The following NAV2 variants were observed in gnomAD, a reference collection of about 807,000 sequenced individuals.
NAV2 encodes the protein helicase, APC down-regulated 1.
Under a neutral mutation model 223.2 loss-of-function variants are expected in NAV2, and 54 were observed. The ratio of observed to expected loss-of-function variants is 0.24; its 90% CI spans 0.19 to 0.30. The LOEUF is 0.30. Among genes scored for constraint, NAV2 ranks in the 10% least tolerant of loss-of-function variants. NAV2 has a pLI of 1.00. For synonymous variants in NAV2, 1,279 were observed against 1,239.3 expected (o/e 1.03, Z -0.67); for missense variants, 2,806 against 3,147.5 (o/e 0.89, Z 2.60).
chr11:19,703,763 C>A (rs977192078), intron 1 of NAV2, among the ~76,000 whole-genome samples: 2 of 152,200 alleles, frequency 1.3e-5, no homozygotes, highest in Non-Finnish European at 2.9e-5. Context: ...GCCTTTGCAG[C>A]GCTTCATAAA....
chr11:19,742,965 A>T (rs2152465516), intron 1 of NAV2, among the ~76,000 whole-genome samples: 1 of 152,318 alleles, frequency 6.6e-6, no homozygotes, highest in East Asian at 1.9e-4. Context: ...AGTTTGTAGC[A>T]TCCTGGGAAT....
intron 1 of NAV2, among the ~76,000 whole-genome samples, chr11:19,397,393 G>A (rs1849493601): frequency 7.3e-6 from 1 of 137,520 alleles, no homozygotes; most frequent in Non-Finnish European, 1.6e-5. Flanking sequence ...GGATTCTCTG[G>A]GGAGTGTGTG....
At chr11:20,032,019 CA>C (rs1293165882) in intron 11 of NAV2, among the ~76,000 whole-genome samples, 2 of 152,202 alleles carry the variant, frequency 1.3e-5, no homozygotes, top group Admixed American at 1.3e-4. Flanking sequence ...GGCTCCTGAT[CA>C]TTTGTACCCT....
chr11:19,527,040 AC>A lies in NAV2; in HGVS notation c.75+176018del, dbSNP rs2043862812. Among the ~76,000 whole-genome samples, 8 of 150,654 alleles carry A rather than the reference AC, an allele frequency of 5.3e-5. No homozygotes were observed. The South Asian group carries it at 1.3e-3, about 24-fold the overall frequency. ...TATGGCATCTTTCTCCAACCCTCCCACCCCCACCATCTCTATTGTTTATCTC... is the reference window on the plus strand; with the variant it reads ...TATGGCATCTTTCTCCAACCCTCCCACCCCACCATCTCTATTGTTTATCTC... On this transcript the variant is annotated intron_variant, in intron 1 of 37. Transcript: ENST00000360655.
intron 1 of NAV2, among the ~76,000 whole-genome samples, chr11:19,422,107 C>T (rs1364390423): frequency 6.6e-6 from 1 of 152,198 alleles, no homozygotes; most frequent in Non-Finnish European, 1.5e-5. Context: ...CATAAGGTCA[C>T]ACACAGAGGC....
At chr11:19,435,611 T>G (rs1457837858) in intron 1 of NAV2, among the ~76,000 whole-genome samples, 2 of 152,146 alleles carry the variant, frequency 1.3e-5, no homozygotes, top group Non-Finnish European at 2.9e-5. Context: ...TGCTGGGTCA[T>G]GTGGTAATTC....
intron 1 of NAV2, among the ~76,000 whole-genome samples, chr11:19,590,629 G>A (rs1590625811): frequency 6.6e-6 from 1 of 152,258 alleles, no homozygotes; most frequent in East Asian, 1.9e-4. Flanking sequence ...AGCATCAACT[G>A]AGCCAGGCCC....
rs893017961 is a variant in NAV2, at chr11:19,541,115, A to G, written c.75+190088A>G. 3.3e-5 allele frequency among the ~76,000 whole-genome samples: 5 copies of G among 152,312 alleles called. No homozygotes were observed. In the East Asian group the frequency reaches 7.7e-4, roughly 24 times the overall value. On this transcript the variant is annotated intron_variant, in intron 1 of 37. Transcript: ENST00000360655. ...TTGTTAAATGCTAAACTATATTATT[A>G]TGAGGAGGAGAGATGCTACCTAGAG...
chr11:19,836,587 G>A lies in NAV2; in HGVS notation c.385+3986G>A, dbSNP rs549769070. On this transcript the variant is annotated intron_variant, in intron 2 of 37. Transcript: ENST00000349880. ...TCAAAAAAAAAAAAAAAAAAGCTCC[G>A]ATCTGATGAATGAATTGCTTCTATA... is the stretch of plus-strand genomic sequence containing the variant. Among the ~76,000 whole-genome samples, 17 of 148,222 alleles carry A rather than the reference G, an allele frequency of 1.1e-4. No individual in the cohort carries two copies. The East Asian group carries it at 2.0e-3, about 17-fold the overall frequency.
chr11:19,466,987 A>G (rs56106180), intron 1 of NAV2, among the ~76,000 whole-genome samples: 1 of 97,514 alleles, frequency 1.0e-5, no homozygotes, highest in Non-Finnish European at 2.4e-5. Flanking sequence ...CTCTCTCTAC[A>G]CACACACACA....
intron 1 of NAV2, among the ~76,000 whole-genome samples, chr11:19,750,194 T>A (rs1468561825): frequency 6.6e-6 from 1 of 152,260 alleles, no homozygotes; most frequent in Non-Finnish European, 1.5e-5. Flanking sequence ...TTGCTTCTGG[T>A]ATGCTCATCT....
intron 34 of NAV2, chr11:20,104,373 T>TA (rs2153704430): frequency 6.5e-6 from 1 of 152,800 alleles, no homozygotes; most frequent in East Asian, 1.9e-4. Context: ...CCTGGGCCCT[T>TA]AGAGGTGGAT....
chr11:20,105,688 C>T lies in NAV2; in HGVS notation c.6802C>T (p.Arg2268Cys), dbSNP rs748414339. The T allele has an allele frequency of 3.7e-5, 60 of 1,613,432 alleles. No individual in the cohort carries two copies. The highest frequency in any genetic ancestry group is 5.3e-5 in the African/African-American group (4 of 74,998). Residue 2268 changes from arginine (R) to cysteine (C), a missense_variant, in exon 35 of 38, where the codon CGC becomes TGC. Arg to Cys is a radical substitution (Grantham distance 180, BLOSUM62 -3). Around this residue, in one of 4 missense-constraint regions of NAV2, gnomAD observed 824 missense variants for 1,069.4 expected, o/e 0.77. Transcript: ENST00000349880. ...TCCCAAGGTCTGGCATCACCTCAAC[C>T]GCTTCCTGGAGGCTCACAGTTCCTC... is the stretch of plus-strand genomic sequence containing the variant. ...WIPKVWHHLN[R>C]FLEAHSSSDV...
intron 1 of NAV2, among the ~76,000 whole-genome samples, chr11:19,657,395 G>T (rs1305603138): frequency 1.3e-5 from 2 of 152,190 alleles, no homozygotes; most frequent in African/African-American, 2.4e-5. Context: ...CTGTGGTTCA[G>T]AGAGGGTAGG....
intron 36 of NAV2, among the ~76,000 whole-genome samples, chr11:20,111,427 A>G (rs1478623719): frequency 1.3e-5 from 2 of 152,150 alleles, no homozygotes; most frequent in East Asian, 1.9e-4. Flanking sequence ...TTTGCTTACC[A>G]CAGTACTTAC....
intron 20 of NAV2, among the ~76,000 whole-genome samples, chr11:20,067,484 T>C (rs1470349086): frequency 6.6e-6 from 1 of 152,046 alleles, no homozygotes; most frequent in African/African-American, 2.4e-5. Context: ...ATTAGACCCT[T>C]TATTTTATTT....
chr11:19,875,204 A>C (rs1805978084), intron 4 of NAV2, among the ~76,000 whole-genome samples: 1 of 152,170 alleles, frequency 6.6e-6, no homozygotes, highest in Admixed American at 6.5e-5. Context: ...ATGCTCCTCA[A>C]CTTACTGTAG....
chr11:19,576,073 G>T (rs1366095874), intron 1 of NAV2, among the ~76,000 whole-genome samples: 4 of 152,174 alleles, frequency 2.6e-5, no homozygotes, highest in African/African-American at 9.7e-5. Flanking sequence ...CTAGTGTATG[G>T]CAGAAAAAGT....
chr11:19,858,682 C>G lies in NAV2; in HGVS notation c.439-10243C>G, dbSNP rs79432022. ...AGCCAAAACTATTTGCCTAAAAGGTCTTAGGGTTTCTCATGCAACTCAATA... is the reference window on the plus strand; with the variant it reads ...AGCCAAAACTATTTGCCTAAAAGGTGTTAGGGTTTCTCATGCAACTCAATA... On this transcript the variant is annotated intron_variant, in intron 3 of 37. Transcript: ENST00000349880. 4.5e-3 allele frequency among the ~76,000 whole-genome samples: 692 copies of G among 152,304 alleles called. 8 individuals carry two copies. The highest frequency in any genetic ancestry group is 0.016 in the African/African-American group (652 of 41,558).
Sources: allele counts gnomAD v4.1 joint callset (sites outside exome capture counted in the v4.1 genomes callset), GRCh38; gene constraint gnomAD v4.1.1; regional missense constraint gnomAD v4.1.1; transcripts MANE v1.5; gene names NCBI Gene and HGNC (gene_info 2026-07-23, HGNC 2026-07-21).